Variants in LRBA observed in about 807,000 individuals in gnomAD.
LRBA encodes LPS responsive beige-like anchor protein, also known as lipopolysaccharide-responsive and beige-like anchor protein.
LRBA carries 176 observed loss-of-function variants against 330.0 expected under a neutral mutation model. That is an observed-to-expected ratio of 0.53 (90% confidence interval 0.47 to 0.60). The LOEUF (loss-of-function observed/expected upper bound fraction) is 0.60, where lower values mean the gene tolerates loss of function less well. LRBA is among the 20% of genes least tolerant of loss of function. LRBA has a pLI of 0.00. For missense variants in LRBA, 3,259 were observed against 3,444.8 expected, an observed-to-expected ratio of 0.95 and a Z score of 1.35; for synonymous variants, 1,230 against 1,193.0, an observed-to-expected ratio of 1.03 and a Z score of -0.64.
rs76012037 is a variant in LRBA, at chr4:150,464,309, C to T, written c.6780+3364G>A. Among the ~76,000 whole-genome samples, 305 of 152,098 alleles carry T rather than the reference C, an allele frequency of 2.0e-3. 1 individual carries two copies. The highest frequency in any genetic ancestry group is 7.2e-3 in the African/African-American group (299 of 41,530). On this transcript the variant is annotated intron_variant, in intron 44 of 56. Coordinates refer to ENST00000651943, the MANE Select transcript of LRBA (RefSeq NM_001364905.1). The stretch of plus-strand genomic sequence containing the variant: ...AGCAAATTTTATATTCTAACAAAAT[C>T]AACCCCCCAAAAATGATATTTTTAC...
intron 2 of LRBA, among the ~76,000 whole-genome samples, chr4:150,970,326 C>T (rs904092582): frequency 3.3e-5 from 5 of 151,574 alleles, no homozygotes; most frequent in African/African-American, 1.2e-4. Flanking sequence ...TTAGGGAGAC[C>T]CCATCTCTAC....
chr4:150,663,799 C>G (rs1781337403), intron 37 of LRBA, among the ~76,000 whole-genome samples: 1 of 152,084 alleles, frequency 6.6e-6, no homozygotes, highest in Non-Finnish European at 1.5e-5. Flanking sequence ...TTATCAAACG[C>G]TATGAGAACA....
intron 44 of LRBA, among the ~76,000 whole-genome samples, chr4:150,456,088 T>C (rs1754024826): frequency 6.6e-6 from 1 of 152,178 alleles, no homozygotes; most frequent in African/African-American, 2.4e-5. Context: ...GATACTTAGG[T>C]TGCTTCCAAA....
At position 150,852,943 on chromosome 4, in the gene LRBA, C is replaced by T. The variant is rs1299987392; in HGVS notation, c.2767G>A (p.Val923Ile). Reference sequence around the variant, plus strand: ...TTTTCTTTGTGTATTTCAAAAGTGACCTAGGTGAAAAATGTACAATCAGTT... The same window carrying T: ...TTTTCTTTGTGTATTTCAAAAGTGATCTAGGTGAAAAATGTACAATCAGTT... ...VDTLSITHSK[V>I]TFEIHKENLA... is the part of the protein sequence containing the mutation. The change falls in exon 23 of 57, where the codon GTC becomes ATC. Residue 923 changes from valine to isoleucine, a missense_variant and splice_region_variant. By Grantham distance (29) the Val-to-Ile change is conservative. Transcript: ENST00000651943. 2 of 1,542,244 alleles carry T rather than the reference C, an allele frequency of 1.3e-6. No individual in the cohort carries two copies. Among genetic ancestry groups the T allele is most frequent in the Non-Finnish European group, 1.7e-6 (2 of 1,146,404 alleles).
chr4:150,794,373 G>T (rs140551418), intron 34 of LRBA, among the ~76,000 whole-genome samples: 1 of 151,764 alleles, frequency 6.6e-6, no homozygotes, highest in East Asian at 1.9e-4. Flanking sequence ...CTATAGAAAA[G>T]AATATTAATA....
intron 2 of LRBA, among the ~76,000 whole-genome samples, chr4:150,958,851 T>C (rs1468694120): frequency 6.7e-6 from 1 of 149,208 alleles, no homozygotes; most frequent in Non-Finnish European, 1.5e-5. Context: ...GCCTGGACTT[T>C]ATCGTCCATT....
intron 37 of LRBA, among the ~76,000 whole-genome samples, chr4:150,624,161 C>T: frequency 6.6e-6 from 1 of 152,122 alleles, no homozygotes; most frequent in East Asian, 1.9e-4. Flanking sequence ...TATGAACTAA[C>T]TGCATTCTCA....
chr4:150,682,937 G>T (rs1783176255), intron 37 of LRBA, among the ~76,000 whole-genome samples: 1 of 151,838 alleles, frequency 6.6e-6, no homozygotes, highest in African/African-American at 2.4e-5. Flanking sequence ...AGTCTTAAAG[G>T]CAATTTAATT....
chr4:150,920,385 C>A (rs1014778244), intron 5 of LRBA, among the ~76,000 whole-genome samples: 1 of 152,086 alleles, frequency 6.6e-6, no homozygotes, highest in African/African-American at 2.4e-5. Context: ...CCCGTCTCTA[C>A]TAAAAATACA....
At position 150,689,715 on chromosome 4, in the gene LRBA, T is replaced by C. The variant is rs909653146; in HGVS notation, c.5755-5998A>G. ...CTGTGACAGGAGGATCGCTTGAGCA[T>C]AGGAGTTGAAGACCAGCATGGGCAA... is the stretch of plus-strand genomic sequence containing the variant. On this transcript the variant is annotated intron_variant, in intron 36 of 56. Transcript: ENST00000651943. Among the ~76,000 whole-genome samples, 2 of 151,952 alleles carry C rather than the reference T, an allele frequency of 1.3e-5. 1 individual carries two copies. The highest frequency in any genetic ancestry group is 1.3e-4 in the Admixed American group (2 of 15,248).
Position 150,921,198 on chromosome 4 carries a change from T to C in LRBA, c.645A>G (p.Ala215=). 1 of 1,594,422 alleles carries C rather than the reference T, an allele frequency of 6.3e-7. No homozygotes were observed. Among genetic ancestry groups the C allele is most frequent in the Non-Finnish European group, 8.6e-7 (1 of 1,162,204 alleles). The stretch of plus-strand genomic sequence containing the variant: ...GATTTCCTCATTAATATTTACTTAC[T>C]GCAGCACTCTTTCCTGGAAAGTTAA... ...AFFNFPGKSA[A]AIALPPIAKW... The change falls in exon 5 of 57, where the codon GCA becomes GCG. Residue 215 remains alanine (A), a splice_region_variant and synonymous_variant. Transcript: ENST00000651943.
At chr4:150,296,441 A>G (rs934802483) in intron 53 of LRBA, among the ~76,000 whole-genome samples, 1 of 152,166 alleles carries the variant, frequency 6.6e-6, no homozygotes, top group Non-Finnish European at 1.5e-5. Context: ...CTTATCAAAC[A>G]CATTCATTTT....
chr4:150,802,004 TATAAATAAATAAATAA>T (rs10582625), intron 33 of LRBA, among the ~76,000 whole-genome samples: 23 of 132,042 alleles, frequency 1.7e-4, no homozygotes, highest in Admixed American at 8.3e-4. Context: ...AACCCATCTC[TATAAATAAATAAATAA>T]ATAAATAAAT....
At chr4:150,267,448 TAA>T (rs935060564) in intron 56 of LRBA, among the ~76,000 whole-genome samples, 2 of 151,474 alleles carry the variant, frequency 1.3e-5, no homozygotes, top group South Asian at 2.1e-4. Flanking sequence ...AACAACAACA[TAA>T]GAGACATCAG....
intron 40 of LRBA, among the ~76,000 whole-genome samples, chr4:150,573,641 T>C (rs1320026576): frequency 6.6e-6 from 1 of 152,130 alleles, no homozygotes; most frequent in African/African-American, 2.4e-5. Context: ...AGACAAACAA[T>C]AAGTTATCAC....
chr4:150,663,515 T>G (rs533444214), intron 37 of LRBA, among the ~76,000 whole-genome samples: 7 of 151,688 alleles, frequency 4.6e-5, no homozygotes, highest in African/African-American at 1.7e-4. Context: ...TGTTTTCAAT[T>G]GAACTTAGGA....
In LRBA at chr4:150,544,483, G is replaced by A. The variant is rs1309196763; in HGVS notation, c.6330+43565C>T. Among the ~76,000 whole-genome samples, 3 of 152,054 alleles carry A rather than the reference G, an allele frequency of 2.0e-5. No homozygotes were observed. In the East Asian group the frequency reaches 5.8e-4, roughly 29 times the overall value. Reference sequence around the variant, plus strand: ...GAATACAATAACCGCTCATCTTTCAGTTCACACTTCAAATGTCGTTTCCTC... The same window carrying A: ...GAATACAATAACCGCTCATCTTTCAATTCACACTTCAAATGTCGTTTCCTC... On this transcript the variant is annotated intron_variant, in intron 40 of 56. Transcript: ENST00000651943.
At chr4:150,524,482 T>C (rs1456213561) in intron 40 of LRBA, among the ~76,000 whole-genome samples, 1 of 152,170 alleles carries the variant, frequency 6.6e-6, no homozygotes, top group Non-Finnish European at 1.5e-5. Flanking sequence ...CAAACCCTGA[T>C]TTCACTGTGT....
At chr4:150,820,956 CT>C (rs1236942973) in intron 30 of LRBA, among the ~76,000 whole-genome samples, 2 of 151,924 alleles carry the variant, frequency 1.3e-5, no homozygotes, top group Non-Finnish European at 2.9e-5. Context: ...TTAATATTAC[CT>C]TTTTATACAA....
Sources: allele counts gnomAD v4.1 joint callset (sites outside exome capture counted in the v4.1 genomes callset), GRCh38; gene constraint gnomAD v4.1.1; transcripts MANE v1.5; gene names NCBI Gene and HGNC (gene_info 2026-07-23, HGNC 2026-07-21).